Variants in MTMR2 observed in about 807,000 individuals in gnomAD.
MTMR2 encodes myotubularin related protein 2, also known as phosphatidylinositol-3,5-bisphosphate 3-phosphatase MTMR2.
A neutral mutation model predicts 86.9 loss-of-function variants in MTMR2; 55 were observed. The ratio of observed to expected loss-of-function variants is 0.63; its 90% CI spans 0.51 to 0.79. The LOEUF is 0.79. Among genes scored for constraint, MTMR2 ranks in the 30% least tolerant of loss-of-function variants. The probability of loss-of-function intolerance (pLI) is 0.00; values close to 1 mark genes in which losing one functional copy is unlikely to be tolerated. For missense variants in MTMR2, 659 were observed against 772.3 expected (o/e 0.85, Z 1.74); for synonymous variants, 241 against 266.8 (o/e 0.90, Z 0.94).
intron 13 of MTMR2, 78 bp from the exon 14 acceptor site, chr11:95,836,402 C>T: frequency 7.4e-7 from 1 of 1,347,254 alleles, no homozygotes; most frequent in Non-Finnish European, 1.1e-6. Flanking sequence ...TGAAGAAGTA[C>T]TTTGTTGTCA....
intron 2 of MTMR2, among the ~76,000 whole-genome samples, chr11:95,877,010 A>G (rs1865138905): frequency 6.6e-6 from 1 of 152,222 alleles, no homozygotes; most frequent in African/African-American, 2.4e-5. Flanking sequence ...ACTAAATAAT[A>G]ATCACCTGAA....
chr11:95,847,401 G>A (rs1590981256), intron 10 of MTMR2, among the ~76,000 whole-genome samples: 1 of 152,172 alleles, frequency 6.6e-6, no homozygotes. Flanking sequence ...AGAGTTCAGA[G>A]AAAATGGAAA....
At chr11:95,847,637 G>T (rs2135433496) in intron 10 of MTMR2, 77 bp downstream of exon 10, 3 of 1,292,358 alleles carry the variant, frequency 2.3e-6, no homozygotes, top group Non-Finnish European at 3.4e-6. Context: ...CATGTTGATT[G>T]CAATTATAAG....
At chr11:95,841,138 A>G (rs593665) in intron 12 of MTMR2, among the ~76,000 whole-genome samples, 42,037 of 152,100 alleles carry the variant, frequency 0.28, 7,042 homozygotes, top group Non-Finnish European at 0.38. Context: ...ATGCCAAAAA[A>G]TAAAAAGAAC....
At chr11:95,844,456 A>G (rs562634837) in intron 11 of MTMR2, among the ~76,000 whole-genome samples, 2 of 152,264 alleles carry the variant, frequency 1.3e-5, no homozygotes, top group South Asian at 4.2e-4. Context: ...CAGAGGGCCA[A>G]CTTTACATGG....
intron 7 of MTMR2, among the ~76,000 whole-genome samples, chr11:95,852,988 T>A (rs1864077596): frequency 6.6e-6 from 1 of 151,572 alleles, no homozygotes; most frequent in Non-Finnish European, 1.5e-5. Context: ...CGAGCTAAGA[T>A]CACGCCACTG....
At chr11:95,888,798 C>G (rs992587405) in intron 1 of MTMR2, among the ~76,000 whole-genome samples, 2 of 152,124 alleles carry the variant, frequency 1.3e-5, no homozygotes, top group African/African-American at 4.8e-5. Flanking sequence ...GCAGCCAATT[C>G]TGGCCAGAAA....
chr11:95,892,922 C>T (rs1028819972), intron 1 of MTMR2, among the ~76,000 whole-genome samples: 2 of 152,118 alleles, frequency 1.3e-5, no homozygotes, highest in African/African-American at 4.8e-5. Context: ...CTTTTCTTTT[C>T]CCACATGTAA....
intron 2 of MTMR2, among the ~76,000 whole-genome samples, chr11:95,874,830 G>T (rs1045230306): frequency 1.3e-5 from 2 of 152,034 alleles, no homozygotes; most frequent in African/African-American, 2.4e-5. Context: ...GTCTGTAAAG[G>T]ATTTTATTTC....
At chr11:95,913,776 A>G (rs1866598404) in intron 1 of MTMR2, among the ~76,000 whole-genome samples, 1 of 152,036 alleles carries the variant, frequency 6.6e-6, no homozygotes, top group African/African-American at 2.4e-5. Context: ...AAGAAAGAAT[A>G]GAGAAAGAGG....
chr11:95,922,113 G>A (rs1866949684), intron 1 of MTMR2, among the ~76,000 whole-genome samples: 1 of 152,148 alleles, frequency 6.6e-6, no homozygotes, highest in Non-Finnish European at 1.5e-5. Context: ...CAATGTTAGA[G>A]TTCCAAGGGA....
intron 5 of MTMR2, among the ~76,000 whole-genome samples, chr11:95,859,317 T>C (rs1264913131): frequency 6.6e-6 from 1 of 152,228 alleles, no homozygotes; most frequent in Admixed American, 6.5e-5. Flanking sequence ...TTCCCTTCCA[T>C]TTGTCCCTAA....
At chr11:95,851,625 G>T (rs2135446182) in intron 7 of MTMR2, among the ~76,000 whole-genome samples, 1 of 152,322 alleles carries the variant, frequency 6.6e-6, no homozygotes, top group South Asian at 2.1e-4. Flanking sequence ...GCCTCCCAAA[G>T]TGCAGGGTCT....
At chr11:95,877,918 G>A (rs1373994650) in intron 2 of MTMR2, among the ~76,000 whole-genome samples, 6 of 151,886 alleles carry the variant, frequency 4.0e-5, no homozygotes, top group Admixed American at 1.3e-4. Flanking sequence ...GTTGTTTTAA[G>A]CTACCCAGTT....
intron 1 of MTMR2, among the ~76,000 whole-genome samples, chr11:95,905,331 G>GCGCACA (rs928252045): frequency 6.8e-6 from 1 of 147,992 alleles, no homozygotes; most frequent in African/African-American, 2.5e-5. Context: ...ACGCACCTGC[G>GCGCACA]CACACACACA....
chr11:95,834,592 G>C lies in MTMR2; in HGVS notation c.*698C>G, dbSNP rs1256334186. The C allele has an allele frequency of 6.6e-6, 1 of 152,104 alleles. No individual in the cohort carries two copies. The highest frequency in any genetic ancestry group is 1.5e-5 in the Non-Finnish European group (1 of 68,078). The allele number at this position is 152,104 out of a possible 1,614,324, so 9.4% of individuals were successfully genotyped here. ...TAATCTGAAGGGCATGGAATTCTTTGAACTCCTGTATGGCTACTTTCTCCC... is the reference window on the plus strand; with the variant it reads ...TAATCTGAAGGGCATGGAATTCTTTCAACTCCTGTATGGCTACTTTCTCCC... On this transcript the variant is annotated 3_prime_UTR_variant, in exon 15 of 15. Transcript: ENST00000346299.
At chr11:95,891,100 GTA>G (rs1310230680) in intron 1 of MTMR2, among the ~76,000 whole-genome samples, 2 of 152,144 alleles carry the variant, frequency 1.3e-5, no homozygotes, top group Non-Finnish European at 2.9e-5. Context: ...TATGGAGAGT[GTA>G]TTATCTAGAA....
chr11:95,838,136 G>A lies in MTMR2; in HGVS notation c.1551C>T (p.Phe517=), dbSNP rs775961979. 3.9e-5 allele frequency: 63 copies of A among 1,611,004 alleles called. No individual in the cohort carries two copies. Among genetic ancestry groups the A allele is most frequent in the South Asian group, 2.4e-4 (22 of 91,036 alleles). Residue 517 remains phenylalanine (F), a synonymous_variant, in exon 13 of 15, where the codon TTC becomes TTT. Coordinates refer to ENST00000346299, the MANE Select transcript of MTMR2 (RefSeq NM_016156.6). ...TILDHLYSCL[F]GTFLCNSEQQ... Reference sequence around the variant, plus strand: ...GTTCACTATTACAGAGGAATGTTCCGAATAAGCAGCTGTATAGGTGGTCCA... The same window carrying A: ...GTTCACTATTACAGAGGAATGTTCCAAATAAGCAGCTGTATAGGTGGTCCA...
At chr11:95,867,161 A>C (rs1230606496) in intron 2 of MTMR2, among the ~76,000 whole-genome samples, 1 of 152,204 alleles carries the variant, frequency 6.6e-6, no homozygotes, top group Non-Finnish European at 1.5e-5. Flanking sequence ...ACCACGTGAA[A>C]GATTATAGAA....
Sources: gnomAD v4.1 joint callset for allele counts (sites outside exome capture counted in the v4.1 genomes callset) on GRCh38, gnomAD v4.1.1 for gene constraint, MANE v1.5 for transcripts, NCBI Gene and HGNC (gene_info 2026-07-23, HGNC 2026-07-21) for gene names.